The following CDH11 variants were observed in gnomAD, a reference collection of about 807,000 sequenced individuals.
CDH11 encodes cadherin 11.
A neutral mutation model predicts 67.8 loss-of-function variants in CDH11; 11 were observed. The observed-to-expected ratio is 0.16, with a 90% CI of 0.10 to 0.27. CDH11 has a LOEUF of 0.27. Ranked by LOEUF, CDH11 falls within the 10% of genes least tolerant of loss-of-function variation. The pLI, the probability that CDH11 is intolerant of heterozygous loss-of-function variation, is 1.00. For missense variants in CDH11, 847 were observed against 1,031.2 expected (o/e 0.82, Z 2.45); for synonymous variants, 419 against 400.0 (o/e 1.05, Z -0.57).
chr16:65,106,969 A>G (rs2075076175), intron 1 of CDH11, among the ~76,000 whole-genome samples: 1 of 151,924 alleles, frequency 6.6e-6, no homozygotes, highest in Non-Finnish European at 1.5e-5. Flanking sequence ...AGGTTTCTGG[A>G]TCTTTCAGGT....
intron 1 of CDH11, among the ~76,000 whole-genome samples, chr16:65,079,067 T>G (rs1229602356): frequency 1.3e-5 from 2 of 152,220 alleles, no homozygotes; most frequent in African/African-American, 4.8e-5. Context: ...GCCTTTCATA[T>G]GCAAGGCATT....
intron 1 of CDH11, among the ~76,000 whole-genome samples, chr16:65,085,651 C>T (rs906326981): frequency 6.6e-5 from 10 of 152,176 alleles, no homozygotes; most frequent in African/African-American, 1.4e-4. Flanking sequence ...GAGATCCACT[C>T]GGTTCTGCTT....
upstream of CDH11, among the ~76,000 whole-genome samples, chr16:65,122,776 C>G (rs1597222882): frequency 6.6e-6 from 1 of 152,078 alleles, no homozygotes; most frequent in Non-Finnish European, 1.5e-5. Flanking sequence ...TCGTCTAGTG[C>G]CCCCCACGCA....
At chr16:65,089,513 T>C (rs1218612661) in intron 1 of CDH11, among the ~76,000 whole-genome samples, 1 of 152,184 alleles carries the variant, frequency 6.6e-6, no homozygotes, top group Non-Finnish European at 1.5e-5. Flanking sequence ...CTTACTCTCA[T>C]GACTTATCCC....
intron 11 of CDH11, among the ~76,000 whole-genome samples, chr16:64,959,641 T>C (rs1057050116): frequency 1.3e-5 from 2 of 152,146 alleles, no homozygotes; most frequent in Non-Finnish European, 2.9e-5. Flanking sequence ...AAAAGAAACA[T>C]GATTATTTAC....
chr16:65,101,977 G>C (rs770019951), intron 1 of CDH11, among the ~76,000 whole-genome samples: 1 of 152,098 alleles, frequency 6.6e-6, no homozygotes, highest in Non-Finnish European at 1.5e-5. Context: ...GTTTGTTTCA[G>C]GGACATCTTT....
At chr16:64,948,450 A>G (rs1490206350) in intron 12 of CDH11, 2 of 699,868 alleles carry the variant, frequency 2.9e-6, no homozygotes, top group Non-Finnish European at 5.0e-6. Flanking sequence ...GGCTAATGCC[A>G]ATTTCTCTTT....
At chr16:65,075,098 C>T (rs2074486058) in intron 1 of CDH11, among the ~76,000 whole-genome samples, 1 of 152,192 alleles carries the variant, frequency 6.6e-6, no homozygotes, top group South Asian at 2.1e-4. Context: ...GCTTGCATGG[C>T]TGGTCGTCTG....
chr16:65,069,563 C>CT (rs954653829), intron 1 of CDH11, among the ~76,000 whole-genome samples: 2 of 152,140 alleles, frequency 1.3e-5, no homozygotes, highest in African/African-American at 2.4e-5. Flanking sequence ...TGAGCATCCT[C>CT]TTTTTTGTAC....
chr16:65,048,052 T>C (rs536496203), intron 2 of CDH11, among the ~76,000 whole-genome samples: 26 of 152,344 alleles, frequency 1.7e-4, no homozygotes, highest in African/African-American at 6.3e-4. Context: ...CATTGTTGTA[T>C]TGATACACAT....
chr16:64,977,835 A>C (rs1333662423), intron 8 of CDH11, among the ~76,000 whole-genome samples: 2 of 152,222 alleles, frequency 1.3e-5, no homozygotes, highest in African/African-American at 4.8e-5. Context: ...ACTGACTGAA[A>C]TAACTTTGTA....
At chr16:65,025,780 G>A (rs540038305) in intron 2 of CDH11, among the ~76,000 whole-genome samples, 1 of 152,302 alleles carries the variant, frequency 6.6e-6, no homozygotes, top group Non-Finnish European at 1.5e-5. Context: ...AGATCCTGCA[G>A]CAGGTTCATT....
chr16:65,021,896 A>G (rs1465623030), intron 2 of CDH11, among the ~76,000 whole-genome samples: 1 of 151,292 alleles, frequency 6.6e-6, no homozygotes, highest in African/African-American at 2.4e-5. Flanking sequence ...AAAAAAAAGA[A>G]AGAAAATTCA....
chr16:65,004,033 A>G (rs2072987948), intron 3 of CDH11, among the ~76,000 whole-genome samples: 1 of 151,308 alleles, frequency 6.6e-6, no homozygotes, highest in African/African-American at 2.4e-5. Context: ...TAAATAAATT[A>G]TGGCTATGTG....
intron 1 of CDH11, among the ~76,000 whole-genome samples, chr16:65,073,455 T>A (rs2074454690): frequency 6.6e-6 from 1 of 152,144 alleles, no homozygotes; most frequent in Non-Finnish European, 1.5e-5. Context: ...TAACTTTTTA[T>A]AATTTTAGTA....
At chr16:64,996,070 A>T (rs1356016437) in intron 4 of CDH11, among the ~76,000 whole-genome samples, 1 of 152,220 alleles carries the variant, frequency 6.6e-6, no homozygotes, top group African/African-American at 2.4e-5. Flanking sequence ...AATAGCTATG[A>T]TTAAAAAGTC....
At chr16:65,057,630 C>A (rs1470605886) in intron 1 of CDH11, among the ~76,000 whole-genome samples, 1 of 152,164 alleles carries the variant, frequency 6.6e-6, no homozygotes, top group Non-Finnish European at 1.5e-5. Flanking sequence ...AGGCTCAGTA[C>A]GTGCAGAGCC....
chr16:64,961,295 G>A (rs1255059035), intron 11 of CDH11, among the ~76,000 whole-genome samples: 2 of 152,082 alleles, frequency 1.3e-5, no homozygotes. Flanking sequence ...TGAAAATCTC[G>A]AGTATTTTTG....
chr16:65,056,849 C>T (rs572419804), intron 1 of CDH11, among the ~76,000 whole-genome samples: 172 of 152,278 alleles, frequency 1.1e-3, no homozygotes, highest in African/African-American at 4.1e-3. Flanking sequence ...CTTTGTCTTG[C>T]ATTCTTTACC....
Sources: allele counts gnomAD v4.1 joint callset (sites outside exome capture counted in the v4.1 genomes callset), GRCh38; gene constraint gnomAD v4.1.1; transcripts MANE v1.5; gene names NCBI Gene and HGNC (gene_info 2026-07-23, HGNC 2026-07-21).